CNTN1: variants seen among roughly 807,000 people sequenced by gnomAD.
The protein encoded by CNTN1 is contactin 1.
A neutral mutation model predicts 126.4 loss-of-function variants in CNTN1; 38 were observed. The ratio of observed to expected loss-of-function variants is 0.30; its 90% CI spans 0.23 to 0.39. The LOEUF (loss-of-function observed/expected upper bound fraction) is 0.39, where lower values mean the gene tolerates loss of function less well. Among genes scored for constraint, CNTN1 ranks in the 10% least tolerant of loss-of-function variants. The pLI, the probability that CNTN1 is intolerant of heterozygous loss-of-function variation, is 1.00. For synonymous variants in CNTN1, 413 were observed against 422.6 expected, an observed-to-expected ratio of 0.98 and a Z score of 0.28; for missense variants, 1,009 against 1,248.4, an observed-to-expected ratio of 0.81 and a Z score of 2.89.
At chr12:40,757,742 G>A (rs887958077) in intron 1 of CNTN1, among the ~76,000 whole-genome samples, 4 of 152,070 alleles carry the variant, frequency 2.6e-5, no homozygotes, top group African/African-American at 7.2e-5. Context: ...AAACCAGGGT[G>A]AGCATGAATT....
intron 23 of CNTN1, among the ~76,000 whole-genome samples, chr12:41,036,390 T>G (rs35067673): frequency 0.024 from 3,650 of 152,166 alleles, 70 homozygotes; most frequent in African/African-American, 0.031. Flanking sequence ...AATAAAGAGT[T>G]TTTTATGGTA....
chr12:40,701,663 T>C (rs1941598612), intron 1 of CNTN1, among the ~76,000 whole-genome samples: 1 of 152,206 alleles, frequency 6.6e-6, no homozygotes, highest in Non-Finnish European at 1.5e-5. Context: ...TTTATTTTTC[T>C]TTTGGTCTAC....
At chr12:40,733,209 A>G (rs1310749437) in intron 1 of CNTN1, among the ~76,000 whole-genome samples, 3 of 152,038 alleles carry the variant, frequency 2.0e-5, no homozygotes, top group Non-Finnish European at 4.4e-5. Flanking sequence ...AATACAAAAT[A>G]CAGTGCCCTT....
intron 1 of CNTN1, among the ~76,000 whole-genome samples, chr12:40,887,419 G>A (rs538119233): frequency 3.9e-5 from 6 of 152,196 alleles, no homozygotes; most frequent in Non-Finnish European, 5.9e-5. Flanking sequence ...AAAAATGCTC[G>A]TCGTCACTGG....
intron 1 of CNTN1, among the ~76,000 whole-genome samples, chr12:40,816,824 G>C (rs1941270921): frequency 6.6e-6 from 1 of 152,126 alleles, no homozygotes; most frequent in African/African-American, 2.4e-5. Flanking sequence ...CTGTGTCCCA[G>C]AGATTCTGGT....
intron 1 of CNTN1, among the ~76,000 whole-genome samples, chr12:40,831,828 T>C (rs1471071693): frequency 6.6e-6 from 1 of 152,102 alleles, no homozygotes; most frequent in Non-Finnish European, 1.5e-5. Context: ...GCCTGTGCTT[T>C]CAATGGGAAC....
chr12:40,948,860 G>T (rs1480543035), intron 14 of CNTN1, among the ~76,000 whole-genome samples: 1 of 152,150 alleles, frequency 6.6e-6, no homozygotes, highest in Non-Finnish European at 1.5e-5. Context: ...TACACTGTAA[G>T]TCATGTCTAC....
intron 1 of CNTN1, among the ~76,000 whole-genome samples, chr12:40,878,270 A>G (rs1407399696): frequency 6.6e-6 from 1 of 151,530 alleles, no homozygotes; most frequent in Non-Finnish European, 1.5e-5. Flanking sequence ...TGGTGGGATT[A>G]CAGGCGTGAG....
intron 1 of CNTN1, among the ~76,000 whole-genome samples, chr12:40,714,122 A>T (rs888684467): frequency 1.3e-5 from 2 of 152,114 alleles, no homozygotes; most frequent in African/African-American, 4.8e-5. Context: ...TAAAGAACTT[A>T]CAATTGGAAT....
intron 14 of CNTN1, among the ~76,000 whole-genome samples, chr12:40,955,904 G>A (rs545838318): frequency 1.2e-4 from 19 of 152,176 alleles, no homozygotes; most frequent in Non-Finnish European, 2.2e-4. Context: ...CAATGCAAGT[G>A]ATATATGCAA....
At chr12:40,781,944 G>T (rs775079018) in intron 1 of CNTN1, among the ~76,000 whole-genome samples, 13 of 151,860 alleles carry the variant, frequency 8.6e-5, no homozygotes, top group Non-Finnish European at 1.3e-4. Context: ...AATTTAATGG[G>T]CTCTTTCTGT....
intron 1 of CNTN1, among the ~76,000 whole-genome samples, chr12:40,837,017 A>G (rs571718873): frequency 1.7e-4 from 26 of 152,334 alleles, no homozygotes; most frequent in Admixed American, 3.3e-4. Flanking sequence ...ATGCATTTAT[A>G]TATTCAGTGA....
chr12:40,937,036 TA>T, intron 10 of CNTN1, 131 bp downstream of exon 10: 1 of 1,136,816 alleles, frequency 8.8e-7, no homozygotes, highest in Non-Finnish European at 1.3e-6. Flanking sequence ...AAAAGCTTCC[TA>T]AAAAAGACAA....
At chr12:40,927,315 G>C (rs867614114) in intron 6 of CNTN1, among the ~76,000 whole-genome samples, 1 of 152,042 alleles carries the variant, frequency 6.6e-6, no homozygotes, top group Non-Finnish European at 1.5e-5. Flanking sequence ...AAAGAAGATG[G>C]TCTGTTGAGT....
intron 14 of CNTN1, among the ~76,000 whole-genome samples, chr12:40,950,329 CAA>C (rs1195167209): frequency 5.3e-5 from 8 of 152,048 alleles, no homozygotes; most frequent in African/African-American, 1.9e-4. Flanking sequence ...GTATTGGAAA[CAA>C]AGAGATGTTA....
At chr12:40,874,587 C>T (rs549898861) in intron 1 of CNTN1, among the ~76,000 whole-genome samples, 25 of 152,092 alleles carry the variant, frequency 1.6e-4, no homozygotes, top group East Asian at 7.7e-4. Context: ...ATAAATATGA[C>T]GCTTGCAAAA....
chr12:40,754,742 T>C (rs982398155), intron 1 of CNTN1, among the ~76,000 whole-genome samples: 5 of 152,124 alleles, frequency 3.3e-5, no homozygotes, highest in Admixed American at 2.6e-4. Flanking sequence ...GTTTTAAAAA[T>C]TAAATCTACC....
intron 1 of CNTN1, among the ~76,000 whole-genome samples, chr12:40,750,765 G>T (rs1208213270): frequency 6.6e-6 from 1 of 152,052 alleles, no homozygotes; most frequent in Non-Finnish European, 1.5e-5. Context: ...TTGGAGAAAA[G>T]AAAATATATT....
At chr12:40,981,306 A>G (rs537581759) in intron 16 of CNTN1, among the ~76,000 whole-genome samples, 24 of 152,266 alleles carry the variant, frequency 1.6e-4, no homozygotes, top group African/African-American at 5.5e-4. Context: ...TATAATGGAA[A>G]GCAAAATGAG....
Sources: gnomAD v4.1 joint callset for allele counts (sites outside exome capture counted in the v4.1 genomes callset) on GRCh38, gnomAD v4.1.1 for gene constraint, MANE v1.5 for transcripts, NCBI Gene and HGNC (gene_info 2026-07-23, HGNC 2026-07-21) for gene names.